CRYBG2: variants seen among roughly 807,000 people sequenced by gnomAD.
CRYBG2 encodes beta/gamma crystallin domain-containing protein 2.
In CRYBG2, 106 loss-of-function variants were observed where a neutral mutation model predicts 153.4. The ratio of observed to expected loss-of-function variants is 0.69; its 90% CI spans 0.59 to 0.81. The LOEUF is 0.81. CRYBG2 is among the 30% of genes least tolerant of loss of function. The pLI is 0.00. For missense variants in CRYBG2, 1,996 were observed against 2,112.0 expected (o/e 0.95, Z 1.08); for synonymous variants, 851 against 877.8 (o/e 0.97, Z 0.54).
chr1:26,351,217 G>A (rs1464397815), intron 1 of CRYBG2, among the ~76,000 whole-genome samples: 2 of 152,114 alleles, frequency 1.3e-5, no homozygotes, highest in African/African-American at 4.8e-5. Flanking sequence ...CCCCATTAGG[G>A]AGCTCCCTTT....
intron 14 of CRYBG2, among the ~76,000 whole-genome samples, chr1:26,333,014 CAAAAAAAAAA>C (rs59155910): frequency 5.0e-4 from 36 of 71,942 alleles, no homozygotes; most frequent in South Asian, 1.2e-3. Flanking sequence ...CACCAAACCC[CAAAAAAAAAA>C]AAAAAAAAAA....
In CRYBG2 at chr1:26,345,892, GC is replaced by G. The variant is rs1484054858; in HGVS notation, c.765del (p.Arg255SerfsTer20). On this transcript the variant is annotated frameshift_variant, in exon 2 of 20. Coordinates refer to ENST00000308182, the MANE Select transcript of CRYBG2 (RefSeq NM_001039775.4). LOFTEE classifies it high-confidence loss of function. ...GHSPPASHLP[R>X]PTAGGPRSTG... ...GTGCTCCTTGGCCCGCCAGCCGTGGGCCTGGGCAGGTGACTGGCAGGGGGGC... is the reference window on the plus strand; with the variant it reads ...GTGCTCCTTGGCCCGCCAGCCGTGGGCTGGGCAGGTGACTGGCAGGGGGGC... 16 of 1,597,674 alleles carry G rather than the reference GC, an allele frequency of 1.0e-5. No individual in the cohort carries two copies. The highest frequency in any genetic ancestry group is 1.3e-5 in the Non-Finnish European group (15 of 1,179,632).
At position 26,337,576 on chromosome 1, in the gene CRYBG2, G is replaced by A. The variant is rs958514691; in HGVS notation, c.3606C>T (p.His1202=). ...CTCTCAGGGACCCCACAGAGGCCAG[G>A]TGGGGGCTCTGGCTGTCCTCTGGCT... The part of the protein sequence containing the change: ...LQQPEDSQSP[H]LASVGSLRVL... The change falls in exon 9 of 20, where the codon CAC becomes CAT. Residue 1202 remains histidine, a synonymous_variant. Transcript: ENST00000308182. 6.2e-7 allele frequency: 1 copy of A among 1,613,060 alleles called. No homozygotes were observed. Among genetic ancestry groups the A allele is most frequent in the Admixed American group, 1.7e-5 (1 of 60,010 alleles).
At chr1:26,338,274 C>T (rs2074086398) in intron 7 of CRYBG2, 77 bp downstream of exon 7, 1 of 1,527,270 alleles carries the variant, frequency 6.5e-7, no homozygotes, top group Admixed American at 2.1e-5. Flanking sequence ...TCCCTTCCCA[C>T]AGACTGCAGG....
At chr1:26,328,154 G>C in intron 17 of CRYBG2, 55 bp downstream of exon 17, 1 of 1,537,622 alleles carries the variant, frequency 6.5e-7, no homozygotes, top group Non-Finnish European at 8.8e-7. Context: ...ATCCAGAAAG[G>C]CCTGCCCAGA....
intron 14 of CRYBG2, among the ~76,000 whole-genome samples, chr1:26,335,137 T>G (rs1410642279): frequency 1.3e-5 from 2 of 148,730 alleles, no homozygotes; most frequent in Admixed American, 6.7e-5. Context: ...AAAAAAAATG[T>G]ACAAAATGAT....
Position 26,336,869 on chromosome 1 carries a change from T to C in CRYBG2, c.3883A>G (p.Thr1295Ala). 1.9e-6 allele frequency: 3 copies of C among 1,606,204 alleles called. No homozygotes were observed. In the East Asian group the frequency reaches 6.8e-5, roughly 36 times the overall value. ...DVELVQHGPS[T>A]QAIHVLSGVW... ...CCGCTGAGCACGTGGATGGCCTGTG[T>C]GCTGGGGCCGTGTTGCACCAGCTCC... Residue 1295 changes from threonine to alanine, a missense_variant, in exon 11 of 20, where the codon ACA becomes GCA. By Grantham distance (58) the Thr-to-Ala change is moderately conservative. Transcript: ENST00000308182. This position sits in a 1 kb window ranked among gnomAD's most constrained non-coding sequence, Gnocchi z 4.9.
chr1:26,338,172 G>A lies in CRYBG2; in HGVS notation c.3472-125C>T, dbSNP rs191334974. ...GTCTTCCCTTTTCCCCTACCTCTTA[G>A]GTTAATCCCTACCTCTCCTCCCACT... On this transcript the variant is annotated intron_variant, in intron 7 of 19. Transcript: ENST00000308182. 114 of 1,428,942 alleles carry A rather than the reference G, an allele frequency of 8.0e-5. No homozygotes were observed. In the African/African-American group the frequency reaches 1.5e-3, roughly 18 times the overall value. 88.5% of individuals were successfully genotyped at this position (1,428,942 alleles called of 1,614,324 possible).
At chr1:26,349,254 C>T (rs921298225) in intron 1 of CRYBG2, among the ~76,000 whole-genome samples, 4 of 152,160 alleles carry the variant, frequency 2.6e-5, no homozygotes, top group East Asian at 1.9e-4. Flanking sequence ...ACTCTTCCCT[C>T]GATTCTGTCC....
intron 15 of CRYBG2, among the ~76,000 whole-genome samples, 177 bp downstream of exon 15, chr1:26,331,312 C>T (rs1018181027): frequency 3.9e-5 from 6 of 152,212 alleles, no homozygotes; most frequent in Non-Finnish European, 7.3e-5. Context: ...TCAGTGGGTG[C>T]TCAATGAAGA....
At chr1:26,332,860 A>G (rs1487462475) in intron 14 of CRYBG2, among the ~76,000 whole-genome samples, 2 of 151,632 alleles carry the variant, frequency 1.3e-5, no homozygotes, top group Admixed American at 1.3e-4. Context: ...ATATTAACCC[A>G]GTTATAGTAT....
chr1:26,335,557 G>T (rs1487570775), intron 14 of CRYBG2, among the ~76,000 whole-genome samples: 1 of 152,196 alleles, frequency 6.6e-6, no homozygotes, highest in Non-Finnish European at 1.5e-5. Context: ...CAGCACTTTG[G>T]AAGGCCGAGG....
rs1352544258 is a variant in CRYBG2 at position 26,343,845 on chromosome 1, G to A, written c.2813C>T (p.Ala938Val). The A allele has an allele frequency of 1.4e-6, 2 of 1,474,672 alleles. No individual in the cohort carries two copies. Among genetic ancestry groups the A allele is most frequent in the Admixed American group, 5.1e-5 (2 of 39,112 alleles). 91.3% of individuals were successfully genotyped at this position (1,474,672 alleles called of 1,614,324 possible). The change falls in exon 2 of 20, where the codon GCA becomes GTA. Residue 938 changes from alanine to valine, a missense_variant. Physicochemically the swap from Ala to Val is moderately conservative, Grantham distance 64 (BLOSUM62 0). Coordinates refer to ENST00000308182, the MANE Select transcript of CRYBG2 (RefSeq NM_001039775.4). The surrounding 1 kb of genome is among the most constrained non-coding windows in gnomAD (Gnocchi z 4.1). ...TCCTGGCACCTTCCTGAGCCCCGGT[G>A]CCCCATGGGGCAGCAGAGCAGATAG... Reference protein sequence around the residue: ...TKLSALLPHGAPGLRKVPGQL... With the variant: ...TKLSALLPHGVPGLRKVPGQL...
chr1:26,339,563 A>G, intron 5 of CRYBG2, 134 bp from the exon 6 acceptor site: 1 of 888,300 alleles, frequency 1.1e-6, no homozygotes, highest in Non-Finnish European at 1.7e-6. Flanking sequence ...GCTGACCAAC[A>G]TGGAGAAACC....
At position 26,336,584 on chromosome 1, in the gene CRYBG2, G is replaced by GC; in HGVS notation, c.4038+21dup. The GC allele has an allele frequency of 3.2e-6, 5 of 1,543,770 alleles. No homozygotes were observed. Among genetic ancestry groups the GC allele is most frequent in the Non-Finnish European group, 8.7e-7 (1 of 1,144,038 alleles). On this transcript the variant is annotated intron_variant, in intron 12 of 19. Transcript: ENST00000308182. This position sits in a 1 kb window ranked among gnomAD's most constrained non-coding sequence, Gnocchi z 4.9. Reference sequence around the variant, plus strand: ...CAGGTCCCGCCACCGGGGAGGCCCCGCCCCCCGCGGCCGGCACGCACCTGT... The same window carrying GC: ...CAGGTCCCGCCACCGGGGAGGCCCCGCCCCCCCGCGGCCGGCACGCACCTGT...
rs368771562 is a variant in CRYBG2, at chr1:26,336,927, G to A, written c.3825C>T (p.His1275=). 296 of 1,613,074 alleles carry A rather than the reference G, an allele frequency of 1.8e-4. No individual in the cohort carries two copies. The highest frequency in any genetic ancestry group is 2.4e-4 in the Non-Finnish European group (280 of 1,179,694). Residue 1275 remains histidine (H), a synonymous_variant, in exon 11 of 20, where the codon CAC becomes CAT. Transcript: ENST00000308182. This position sits in a 1 kb window ranked among gnomAD's most constrained non-coding sequence, Gnocchi z 4.9. Reference sequence around the variant, plus strand: ...GCAATGCCTTGCTCACCTCCACGCCGTGCCCCTCGAAGTCCATGGCCTCAA... The same window carrying A: ...GCAATGCCTTGCTCACCTCCACGCCATGCCCCTCGAAGTCCATGGCCTCAA... ...VLFEAMDFEG[H]GVEVSKALPD... is the part of the protein sequence containing the mutation.
In CRYBG2 at chr1:26,336,164, G is replaced by T. The variant is rs1243256006; in HGVS notation, c.4115C>A (p.Ser1372Tyr). The T allele has an allele frequency of 5.2e-6, 8 of 1,548,962 alleles. No homozygotes were observed. The highest frequency in any genetic ancestry group is 1.4e-5 in the African/African-American group (1 of 73,298). ...CAGAGCGGCCTGGTCATCTTCGAAAGAGAAGTGGTCGCCCAGAAAGTCGGG... is the reference window on the plus strand; with the variant it reads ...CAGAGCGGCCTGGTCATCTTCGAAATAGAAGTGGTCGCCCAGAAAGTCGGG... ...SRPDFLGDHF[S>Y]FEDDQAALPA... Residue 1372 changes from serine to tyrosine, a missense_variant, in exon 14 of 20, where the codon TCT (serine) becomes TAT (tyrosine). Transcript: ENST00000308182. The surrounding 1 kb of genome is among the most constrained non-coding windows in gnomAD (Gnocchi z 4.9).
chr1:26,345,958 C>A lies in CRYBG2; in HGVS notation c.700G>T (p.Ala234Ser), dbSNP rs1282372153. ...SPPGSPSRSQAVKVLSNLVPA... is the reference protein window; with the variant it reads ...SPPGSPSRSQSVKVLSNLVPA... ...ACGAGGTTACTTAGCACTTTCACGG[C>A]CTGGCTGCGGCTGGGCGAGCCTGGT... Residue 234 changes from alanine (A) to serine (S), a missense_variant, in exon 2 of 20, where the codon GCC (alanine) becomes TCC (serine). By Grantham distance (99) the Ala-to-Ser change is moderately conservative. Coordinates refer to ENST00000308182, the MANE Select transcript of CRYBG2 (RefSeq NM_001039775.4). 1 of 1,594,418 alleles carries A rather than the reference C, an allele frequency of 6.3e-7. No homozygotes were observed. The highest frequency in any genetic ancestry group is 8.5e-7 in the Non-Finnish European group (1 of 1,177,380).
Position 26,344,681 on chromosome 1 carries a change from G to A in CRYBG2, c.1977C>T (p.Leu659=), listed in dbSNP as rs1449039449. 5 of 1,533,400 alleles carry A rather than the reference G, an allele frequency of 3.3e-6. No individual in the cohort carries two copies. Among genetic ancestry groups the A allele is most frequent in the Non-Finnish European group, 3.5e-6 (4 of 1,145,058 alleles). The allele number at this position is 1,533,400 out of a possible 1,614,324, so 95.0% of individuals were successfully genotyped here. ...QGIAGSLAPP[L]TKEETVQGPI... ...GGCCTTGAACAGTCTCTTCCTTGGTGAGGGGCGGGGCAAGGCTGCCTGCAA... is the reference window on the plus strand; with the variant it reads ...GGCCTTGAACAGTCTCTTCCTTGGTAAGGGGCGGGGCAAGGCTGCCTGCAA... Residue 659 remains leucine, a synonymous_variant, in exon 2 of 20, where the codon CTC becomes CTT. Transcript: ENST00000308182.
Sources: allele counts gnomAD v4.1 joint callset (sites outside exome capture counted in the v4.1 genomes callset), GRCh38; gene constraint gnomAD v4.1.1; non-coding constraint Gnocchi (gnomAD v3.1); transcripts MANE v1.5; gene names NCBI Gene and HGNC (gene_info 2026-07-23, HGNC 2026-07-21).